The following KCNJ6 variants were observed in gnomAD, a reference collection of about 807,000 sequenced individuals.
The protein encoded by KCNJ6 is G protein-activated inward rectifier potassium channel 2.
Under a neutral mutation model 34.2 loss-of-function variants are expected in KCNJ6, and 9 were observed. The ratio of observed to expected loss-of-function variants is 0.26; its 90% CI spans 0.16 to 0.46. The LOEUF (loss-of-function observed/expected upper bound fraction) is 0.46. KCNJ6 is among the 20% of genes least tolerant of loss of function. The pLI is 1.00. For synonymous variants in KCNJ6, 196 were observed against 207.1 expected, an observed-to-expected ratio of 0.95 and a Z score of 0.46; for missense variants, 236 against 531.3, an observed-to-expected ratio of 0.44 and a Z score of 5.46.
intron 1 of KCNJ6, among the ~76,000 whole-genome samples, chr21:37,906,266 C>T (rs1050683150): frequency 1.3e-5 from 2 of 152,274 alleles, no homozygotes; most frequent in African/African-American, 4.8e-5. Context: ...GTTTTTCCCC[C>T]CTAGACACTG....
chr21:37,787,182 G>A (rs142353619), intron 2 of KCNJ6, among the ~76,000 whole-genome samples: 224 of 152,236 alleles, frequency 1.5e-3, no homozygotes, highest in Middle Eastern at 6.8e-3. Context: ...GACATCTCCC[G>A]TAGACTGTGA....
chr21:37,828,907 G>A (rs1441446292), intron 2 of KCNJ6, among the ~76,000 whole-genome samples: 1 of 152,184 alleles, frequency 6.6e-6, no homozygotes, highest in Admixed American at 6.5e-5. Flanking sequence ...CCACACATCT[G>A]GGCATCTCTT....
intron 3 of KCNJ6, among the ~76,000 whole-genome samples, chr21:37,681,476 G>A (rs533054058): frequency 2.0e-5 from 3 of 152,332 alleles, no homozygotes; most frequent in Non-Finnish European, 4.4e-5. Context: ...ACAGTTGCCT[G>A]TTGGGGAATT....
chr21:37,631,431 A>G (rs2054333214), intron 3 of KCNJ6, among the ~76,000 whole-genome samples: 1 of 152,232 alleles, frequency 6.6e-6, no homozygotes, highest in African/African-American at 2.4e-5. Context: ...ACCTGAGTTC[A>G]ATAAAAGCAA....
intron 2 of KCNJ6, among the ~76,000 whole-genome samples, chr21:37,824,427 T>TCTCA (rs10626705): frequency 0.78 from 117,629 of 151,452 alleles, 46,246 homozygotes; most frequent in East Asian, 0.97. Flanking sequence ...ATAAATTTAT[T>TCTCA]CTGTTCTGTA....
At chr21:37,659,179 T>C (rs2054477227) in intron 3 of KCNJ6, among the ~76,000 whole-genome samples, 1 of 152,248 alleles carries the variant, frequency 6.6e-6, no homozygotes, top group African/African-American at 2.4e-5. Context: ...GTCCCTGTTT[T>C]TCTTTTTTTT....
intron 3 of KCNJ6, among the ~76,000 whole-genome samples, chr21:37,636,829 C>A (rs1410514635): frequency 2.6e-5 from 4 of 152,106 alleles, no homozygotes; most frequent in Non-Finnish European, 5.9e-5. Flanking sequence ...CATGAGAGAA[C>A]CCCCTGGACA....
intron 3 of KCNJ6, among the ~76,000 whole-genome samples, chr21:37,661,834 T>C (rs2054491032): frequency 6.6e-6 from 1 of 151,370 alleles, no homozygotes; most frequent in South Asian, 2.1e-4. Flanking sequence ...TTCACCGTGT[T>C]AGTTGGGATG....
chr21:37,870,461 C>T (rs1601510158), intron 1 of KCNJ6, among the ~76,000 whole-genome samples: 1 of 152,292 alleles, frequency 6.6e-6, no homozygotes, highest in Admixed American at 6.5e-5. Flanking sequence ...CCCAGAATTG[C>T]CTCTTGGGAT....
rs2055890955 is a variant in KCNJ6, at chr21:37,915,851, C to T, written c.-28+33G>A. The T allele has an allele frequency of 2.0e-5, 3 of 152,310 alleles. No homozygotes were observed. In the South Asian group the frequency reaches 6.2e-4, roughly 32 times the overall value. 9.4% of individuals were successfully genotyped at this position (152,310 alleles called of 1,614,324 possible). On this transcript the variant is annotated intron_variant, in intron 1 of 3. Transcript: ENST00000609713. ...CGCCTCGCCCAGGTGGACGCCAGCT[C>T]CTCGCCTGCGAGCAGCTCAGCGCAC...
chr21:37,753,297 G>T (rs1446779542), intron 2 of KCNJ6, among the ~76,000 whole-genome samples: 2 of 152,154 alleles, frequency 1.3e-5, no homozygotes, highest in Admixed American at 1.3e-4. Context: ...TGACTTGGGG[G>T]CCAGCTGTGA....
At chr21:37,691,280 T>C (rs2054638596) in intron 3 of KCNJ6, among the ~76,000 whole-genome samples, 1 of 152,188 alleles carries the variant, frequency 6.6e-6, no homozygotes, top group Admixed American at 6.5e-5. Flanking sequence ...GGGGCCTCTG[T>C]CAGGACCTCT....
chr21:37,789,241 C>A lies in KCNJ6; in HGVS notation c.25+51417G>T, dbSNP rs139949016. 4.7e-3 allele frequency among the ~76,000 whole-genome samples: 716 copies of A among 152,300 alleles called. 4 individuals are homozygous for A. Among genetic ancestry groups the A allele is most frequent in the African/African-American group, 0.015 (644 of 41,564 alleles). ...ATTTATGGAGTGAATTGTGTTCCCCCACATTTACATGTTCAAGACTCAACC... is the reference window on the plus strand; with the variant it reads ...ATTTATGGAGTGAATTGTGTTCCCCAACATTTACATGTTCAAGACTCAACC... On this transcript the variant is annotated intron_variant, in intron 2 of 3. Transcript: ENST00000609713.
rs111756528 is a variant in KCNJ6 at position 37,899,197 on chromosome 21, G to T, written c.-28+16687C>A. 5.2e-3 allele frequency among the ~76,000 whole-genome samples: 792 copies of T among 152,246 alleles called. 2 individuals are homozygous for T. Among genetic ancestry groups the T allele is most frequent in the Non-Finnish European group, 8.8e-3 (596 of 68,018 alleles). On this transcript the variant is annotated intron_variant, in intron 1 of 3. Coordinates refer to ENST00000609713, the MANE Select transcript of KCNJ6 (RefSeq NM_002240.5). ...TGATTTTGAGTTTCTCCTGGGTAAA[G>T]GTGGAAGAACAGTGAGAGGAAGAGA...
At position 37,685,706 on chromosome 21, in the gene KCNJ6, A is replaced by AAAAAAAAAAAAAG. The variant is rs78443969; in HGVS notation, c.946+28504_946+28505insCTTTTTTTTTTTT. ...CAAAAAAAAAAAAAAAAAAAAAAAA[A>AAAAAAAAAAAAAG]AATCTATCCTATGGATATCAGAGGT... is the stretch of plus-strand genomic sequence containing the variant. On this transcript the variant is annotated intron_variant, in intron 3 of 3. Coordinates refer to ENST00000609713, the MANE Select transcript of KCNJ6 (RefSeq NM_002240.5). Among the ~76,000 whole-genome samples the AAAAAAAAAAAAAG allele has an allele frequency of 3.7e-4, 19 of 51,042 alleles. 6 individuals are homozygous for AAAAAAAAAAAAAG. The highest frequency in any genetic ancestry group is 7.8e-4 in the African/African-American group (14 of 18,062). 33.5% of individuals were successfully genotyped at this position (51,042 alleles called of 152,430 possible).
Position 37,614,790 on chromosome 21 carries a change from A to T in KCNJ6, c.*10369T>A, listed in dbSNP as rs979635373. On this transcript the variant is annotated 3_prime_UTR_variant, in exon 4 of 4. Coordinates refer to ENST00000609713, the MANE Select transcript of KCNJ6 (RefSeq NM_002240.5). Reference sequence around the variant, plus strand: ...TGTGTCTGTGTGTATGTGTGTGTGTATGCATGTGTCTGTGTGTGTATTTGT... The same window carrying T: ...TGTGTCTGTGTGTATGTGTGTGTGTTTGCATGTGTCTGTGTGTGTATTTGT... 2 of 147,676 alleles carry T rather than the reference A, an allele frequency of 1.4e-5. No homozygotes were observed. Among genetic ancestry groups the T allele is most frequent in the African/African-American group, 5.0e-5 (2 of 39,700 alleles). The allele number at this position is 147,676 out of a possible 1,614,324, so 9.1% of individuals were successfully genotyped here. A position where few individuals can be genotyped will look rare whatever the true frequency, so the allele number is the denominator to read the frequency against.
intron 3 of KCNJ6, among the ~76,000 whole-genome samples, chr21:37,710,545 C>T (rs2054746157): frequency 6.6e-6 from 1 of 152,200 alleles, no homozygotes; most frequent in South Asian, 2.1e-4. Context: ...TCCTTGCCAG[C>T]ACATTTGCCG....
chr21:37,882,046 G>C (rs1411944572), intron 1 of KCNJ6, among the ~76,000 whole-genome samples: 1 of 152,186 alleles, frequency 6.6e-6, no homozygotes, highest in Non-Finnish European at 1.5e-5. Context: ...GCAGGGGCTG[G>C]CAGTTTTCAC....
intron 2 of KCNJ6, among the ~76,000 whole-genome samples, chr21:37,813,863 A>G (rs1220356634): frequency 6.6e-6 from 1 of 152,212 alleles, no homozygotes; most frequent in Non-Finnish European, 1.5e-5. Flanking sequence ...CTTGAGTAAT[A>G]CCCTACAAGC....
Sources: allele counts gnomAD v4.1 joint callset (sites outside exome capture counted in the v4.1 genomes callset), GRCh38; gene constraint gnomAD v4.1.1; transcripts MANE v1.5; gene names NCBI Gene and HGNC (gene_info 2026-07-23, HGNC 2026-07-21).